The following CRACR2A variants were observed in gnomAD, a reference collection of about 807,000 sequenced individuals.
CRACR2A encodes the protein calcium release activated channel regulator 2A.
In CRACR2A, 79 loss-of-function variants were observed where a neutral mutation model predicts 90.5. The ratio of observed to expected loss-of-function variants is 0.87; its 90% CI spans 0.73 to 1.05. The LOEUF is 1.05. Ranked by LOEUF, CRACR2A falls within the 50% of genes least tolerant of loss-of-function variation. The pLI, the probability that CRACR2A is intolerant of heterozygous loss-of-function variation, is 0.00. For synonymous variants in CRACR2A, 338 were observed against 356.7 expected, an observed-to-expected ratio of 0.95 and a Z score of 0.59; for missense variants, 823 against 897.2, an observed-to-expected ratio of 0.92 and a Z score of 1.06.
chr12:3,736,596 T>C (rs745941259), intron 1 of CRACR2A, among the ~76,000 whole-genome samples: 3 of 151,902 alleles, frequency 2.0e-5, no homozygotes, highest in Non-Finnish European at 2.9e-5. Flanking sequence ...TAATGAAGGC[T>C]GCTCACAGAC....
intron 11 of CRACR2A, among the ~76,000 whole-genome samples, chr12:3,645,510 G>C (rs1163241071): frequency 6.6e-6 from 1 of 152,220 alleles, no homozygotes; most frequent in East Asian, 1.9e-4. Context: ...AGGGGCTGGG[G>C]GTGGTGGGGG....
intron 4 of CRACR2A, among the ~76,000 whole-genome samples, chr12:3,680,946 G>C (rs1338738893): frequency 6.6e-6 from 1 of 152,236 alleles, no homozygotes; most frequent in African/African-American, 2.4e-5. Context: ...GAGAGAGAGA[G>C]ACTCATGGCC....
At chr12:3,734,861 G>A (rs1026166089) in intron 1 of CRACR2A, among the ~76,000 whole-genome samples, 2 of 152,140 alleles carry the variant, frequency 1.3e-5, no homozygotes, top group African/African-American at 4.8e-5. Flanking sequence ...GCAAGGGGCT[G>A]TAGGTGGCGA....
chr12:3,710,964 C>T (rs1289485758), intron 3 of CRACR2A, among the ~76,000 whole-genome samples: 3 of 152,158 alleles, frequency 2.0e-5, no homozygotes, highest in East Asian at 3.9e-4. Context: ...TTATTCAGTC[C>T]GTAGCATTCC....
intron 10 of CRACR2A, among the ~76,000 whole-genome samples, chr12:3,649,827 G>A (rs1265029618): frequency 1.3e-5 from 2 of 150,450 alleles, no homozygotes; most frequent in Admixed American, 6.7e-5. Context: ...GAGGGAAGGA[G>A]GAAGAGAGGA....
chr12:3,656,192 G>C lies in CRACR2A; in HGVS notation c.858+119C>G, dbSNP rs557161691. 4.1e-5 allele frequency: 37 copies of C among 906,292 alleles called. No individual in the cohort carries two copies. In the Admixed American group the frequency reaches 7.4e-4, roughly 18 times the overall value. The allele number at this position is 906,292 out of a possible 1,614,324, so 56.1% of individuals were successfully genotyped here. A position where few individuals can be genotyped will look rare whatever the true frequency, so the allele number is the denominator to read the frequency against. On this transcript the variant is annotated intron_variant, in intron 9 of 19. Coordinates refer to ENST00000440314, the MANE Select transcript of CRACR2A (RefSeq NM_001144958.2). ...ATGCTATCTTTTGCGCGACTAAATA[G>C]TTCTTCTCAGGTTAAAAACTCAAAA...
chr12:3,716,233 C>T (rs1016173818), intron 2 of CRACR2A, among the ~76,000 whole-genome samples: 1 of 152,194 alleles, frequency 6.6e-6, no homozygotes, highest in Admixed American at 6.5e-5. Context: ...GACTGGTCCA[C>T]ATTTGCTTTA....
intron 7 of CRACR2A, among the ~76,000 whole-genome samples, chr12:3,670,921 C>T (rs572744132): frequency 2.0e-5 from 3 of 152,172 alleles, no homozygotes; most frequent in Non-Finnish European, 4.4e-5. Flanking sequence ...GATCAGCTGA[C>T]CCCAGAGCAA....
chr12:3,691,626 A>T (rs1307206337), intron 4 of CRACR2A, among the ~76,000 whole-genome samples: 3 of 152,130 alleles, frequency 2.0e-5, no homozygotes, highest in Non-Finnish European at 4.4e-5. Flanking sequence ...TTGAGGATTG[A>T]GGATGATCTT....
At chr12:3,704,343 G>A (rs963034701) in intron 3 of CRACR2A, among the ~76,000 whole-genome samples, 2 of 152,158 alleles carry the variant, frequency 1.3e-5, no homozygotes, top group Non-Finnish European at 2.9e-5. Flanking sequence ...GAAAACATTT[G>A]TTAGAAGAAA....
chr12:3,660,021 C>T lies in CRACR2A; in HGVS notation c.672-367G>A, dbSNP rs367724792. On this transcript the variant is annotated intron_variant, in intron 7 of 19. Coordinates refer to ENST00000440314, the MANE Select transcript of CRACR2A (RefSeq NM_001144958.2). ...CACAGGCCTCTGCCAGACGTATCATCCCTGTTCCCGCTGATCTCCACGCTC... is the reference window on the plus strand; with the variant it reads ...CACAGGCCTCTGCCAGACGTATCATTCCTGTTCCCGCTGATCTCCACGCTC... 3.3e-5 allele frequency among the ~76,000 whole-genome samples: 5 copies of T among 152,322 alleles called. 1 individual carries two copies. The highest frequency in any genetic ancestry group is 6.5e-5 in the Admixed American group (1 of 15,302).
chr12:3,644,769 C>T lies in CRACR2A; in HGVS notation c.1119-129G>A. ...TGGAAGACAGGGGAGTCTGTGGAAT[C>T]TCCTTCCATAGGGATGTGATTAATG... is the stretch of plus-strand genomic sequence containing the variant. On this transcript the variant is annotated intron_variant, in intron 11 of 19. Transcript: ENST00000440314. 7.5e-6 allele frequency: 6 copies of T among 800,160 alleles called. No homozygotes were observed. In the South Asian group the frequency reaches 8.8e-5, roughly 12 times the overall value. 49.6% of individuals were successfully genotyped at this position (800,160 alleles called of 1,614,324 possible).
Position 3,638,404 on chromosome 12 carries a change from A to G in CRACR2A, c.1322T>C (p.Leu441Pro). 6.5e-7 allele frequency: 1 copy of G among 1,550,144 alleles called. No homozygotes were observed. ...TGTTAGGGGATATCCACTCAGGCCCAGGGAGCTTCTCCTTGGGATGCCAAA... is the reference window on the plus strand; with the variant it reads ...TGTTAGGGGATATCCACTCAGGCCCGGGGAGCTTCTCCTTGGGATGCCAAA... ...EVFGIPRRSS[L>P]GLSGYPLTEE... Residue 441 changes from leucine (L) to proline (P), a missense_variant, in exon 14 of 20, where the codon CTG (leucine) becomes CCG (proline). Coordinates refer to ENST00000440314, the MANE Select transcript of CRACR2A (RefSeq NM_001144958.2).
At chr12:3,637,266 G>T (rs372127259) in intron 14 of CRACR2A, among the ~76,000 whole-genome samples, 15 of 152,224 alleles carry the variant, frequency 9.9e-5, no homozygotes, top group African/African-American at 3.6e-4. Flanking sequence ...ACCTGCCTCT[G>T]CTAAGAGCAG....
rs575147026 is a variant in CRACR2A at position 3,686,329 on chromosome 12, C to T, written c.229-5980G>A. Among the ~76,000 whole-genome samples the T allele has an allele frequency of 2.6e-5, 4 of 152,268 alleles. No homozygotes were observed. In the South Asian group the frequency reaches 8.3e-4, roughly 32 times the overall value. ...GCAGTGTGAAAGTAGCCACGGAAAACACATAAAAGAATGAGCACATCTGTG... is the reference window on the plus strand; with the variant it reads ...GCAGTGTGAAAGTAGCCACGGAAAATACATAAAAGAATGAGCACATCTGTG... On this transcript the variant is annotated intron_variant, in intron 4 of 19. Transcript: ENST00000440314.
intron 4 of CRACR2A, among the ~76,000 whole-genome samples, chr12:3,695,141 C>T (rs11062764): frequency 0.026 from 3,895 of 152,252 alleles, 90 homozygotes; most frequent in Middle Eastern, 0.075. Context: ...GTACTTGTGG[C>T]CCAGAGTTGA....
intron 3 of CRACR2A, among the ~76,000 whole-genome samples, chr12:3,700,384 T>C (rs1945817521): frequency 6.6e-6 from 1 of 151,624 alleles, no homozygotes; most frequent in African/African-American, 2.4e-5. Flanking sequence ...ATCTAAAGAG[T>C]TTTTAGGTCA....
chr12:3,727,188 A>G (rs1295556061), intron 2 of CRACR2A: 1 of 151,010 alleles, frequency 6.6e-6, no homozygotes, highest in Non-Finnish European at 1.5e-5. Flanking sequence ...TTAAAATGAC[A>G]TCCTTATAGT....
intron 11 of CRACR2A, chr12:3,648,243 A>C (rs1944725874): frequency 1.6e-6 from 2 of 1,280,682 alleles, no homozygotes; most frequent in Admixed American, 3.4e-5. Flanking sequence ...CATTAAACCC[A>C]GCTCTGCTCG....
Sources: gnomAD v4.1 joint callset for allele counts (sites outside exome capture counted in the v4.1 genomes callset) on GRCh38, gnomAD v4.1.1 for gene constraint, MANE v1.5 for transcripts, NCBI Gene and HGNC (gene_info 2026-07-23, HGNC 2026-07-21) for gene names.